The following GPR180 variants were observed in gnomAD, a reference collection of about 807,000 sequenced individuals.
The protein encoded by GPR180 is G protein-coupled receptor 180.
Under a neutral mutation model 52.6 loss-of-function variants are expected in GPR180, and 53 were observed. The ratio of observed to expected loss-of-function variants is 1.01; its 90% CI spans 0.81 to 1.27. GPR180 has a LOEUF of 1.27. GPR180 is among the 50% of genes most tolerant of loss of function. GPR180 has a pLI of 0.00. For synonymous variants in GPR180, 200 were observed against 193.1 expected (o/e 1.04, Z -0.30); for missense variants, 533 against 527.0 (o/e 1.01, Z -0.11).
At chr13:94,605,250 G>A (rs1594470430) in intron 1 of GPR180, 141 bp from the exon 2 acceptor site, 1 of 677,444 alleles carries the variant, frequency 1.5e-6, no homozygotes, top group Non-Finnish European at 2.6e-6. Flanking sequence ...TCATTATGAT[G>A]TGATTTACCT....
intron 1 of GPR180, 68 bp downstream of exon 1, chr13:94,602,140 G>A (rs1223815437): frequency 5.7e-6 from 7 of 1,238,386 alleles, no homozygotes; most frequent in Non-Finnish European, 6.1e-6. Context: ...TCCGCCGGCC[G>A]CTCCTCCCGG....
chr13:94,614,870 G>A (rs1889757656), intron 3 of GPR180, among the ~76,000 whole-genome samples: 1 of 152,140 alleles, frequency 6.6e-6, no homozygotes, highest in Non-Finnish European at 1.5e-5. Context: ...GCTTACCTTC[G>A]GGGATTAATC....
At chr13:94,626,992 T>G (rs1889937101) in intron 8 of GPR180, 21 bp from the exon 9 acceptor site, 4 of 1,555,032 alleles carry the variant, frequency 2.6e-6, no homozygotes, top group Non-Finnish European at 3.5e-6. Context: ...AGTAAAAGCA[T>G]TCCTTTCCTT....
chr13:94,616,494 C>A (rs992558729), intron 3 of GPR180, among the ~76,000 whole-genome samples: 5 of 152,178 alleles, frequency 3.3e-5, no homozygotes, highest in Non-Finnish European at 7.3e-5. Flanking sequence ...TTAGCTGGGG[C>A]TAAATTTATT....
intron 1 of GPR180, among the ~76,000 whole-genome samples, chr13:94,604,209 T>C (rs1889597153): frequency 6.6e-6 from 1 of 152,152 alleles, no homozygotes. Flanking sequence ...GGCAGGTGCC[T>C]GTAATCCCAG....
chr13:94,627,306 G>T lies in GPR180; in HGVS notation c.*135G>T. The T allele has an allele frequency of 4.4e-6, 3 of 675,180 alleles. No individual in the cohort carries two copies. The highest frequency in any genetic ancestry group is 7.4e-6 in the Non-Finnish European group (3 of 402,734). The allele number at this position is 675,180 out of a possible 1,614,324, so 41.8% of individuals were successfully genotyped here. ...AGCAGAGCATGTTATTTATATAACTGCATTTAAGCAGTACCAAGACTGAAA... is the reference window on the plus strand; with the variant it reads ...AGCAGAGCATGTTATTTATATAACTTCATTTAAGCAGTACCAAGACTGAAA... On this transcript the variant is annotated 3_prime_UTR_variant, in exon 9 of 9. Transcript: ENST00000376958.
chr13:94,611,588 T>C (rs147494579), intron 2 of GPR180, among the ~76,000 whole-genome samples: 5 of 152,112 alleles, frequency 3.3e-5, no homozygotes, highest in African/African-American at 9.6e-5. Flanking sequence ...TGGCGAGACT[T>C]GGCACTTTCC....
At position 94,632,759 on chromosome 13, in the gene GPR180, A is replaced by T. The variant is rs1890015661; in HGVS notation, c.*5588A>T. 1 of 152,236 alleles carries T rather than the reference A, an allele frequency of 6.6e-6. No individual in the cohort carries two copies. Among genetic ancestry groups the T allele is most frequent in the South Asian group, 2.1e-4 (1 of 4,824 alleles). 9.4% of individuals were successfully genotyped at this position (152,236 alleles called of 1,614,324 possible). The stretch of plus-strand genomic sequence containing the variant: ...TCAAATAGGGGCTAGCCACACCAGA[A>T]GACCAACCATTGGATTAGAGGGTTG... On this transcript the variant is annotated 3_prime_UTR_variant, in exon 9 of 9. Coordinates refer to ENST00000376958, the MANE Select transcript of GPR180 (RefSeq NM_180989.6).
At chr13:94,607,323 C>T (rs1283354560) in intron 2 of GPR180, among the ~76,000 whole-genome samples, 2 of 152,218 alleles carry the variant, frequency 1.3e-5, no homozygotes, top group Non-Finnish European at 2.9e-5. Flanking sequence ...GTTACATTCA[C>T]TTCTTTACCA....
At chr13:94,619,618 A>G in intron 5 of GPR180, 101 bp downstream of exon 5, 1 of 982,140 alleles carries the variant, frequency 1.0e-6, no homozygotes. Context: ...AAAATTGTTT[A>G]GAAATCAGCT....
At chr13:94,613,901 C>T (rs1183270712) in intron 3 of GPR180, among the ~76,000 whole-genome samples, 1 of 147,644 alleles carries the variant, frequency 6.8e-6, no homozygotes, top group Non-Finnish European at 1.5e-5. Context: ...TTTTTTGAGA[C>T]AGAGGCTTGC....
intron 2 of GPR180, among the ~76,000 whole-genome samples, chr13:94,610,266 T>C (rs531049443): frequency 3.7e-4 from 57 of 152,362 alleles, no homozygotes; most frequent in African/African-American, 1.3e-3. Flanking sequence ...CATACATTTC[T>C]AGTTACCTCA....
rs1429177551 is a variant in GPR180, at chr13:94,633,212, A to G, written c.*6041A>G. On this transcript the variant is annotated 3_prime_UTR_variant, in exon 9 of 9. Transcript: ENST00000376958. ...AGTAAGGATGGTCCTGGGAATGCCC[A>G]AAGTTGCTAGTTTCTGAAGTGAGGG... is the stretch of plus-strand genomic sequence containing the variant. 1 of 152,206 alleles carries G rather than the reference A, an allele frequency of 6.6e-6. No individual in the cohort carries two copies. The highest frequency in any genetic ancestry group is 1.9e-4 in the East Asian group (1 of 5,182). The allele number at this position is 152,206 out of a possible 1,614,324, so 9.4% of individuals were successfully genotyped here.
chr13:94,613,597 A>C (rs183528957), intron 3 of GPR180, among the ~76,000 whole-genome samples: 3 of 151,788 alleles, frequency 2.0e-5, no homozygotes, highest in African/African-American at 7.3e-5. Context: ...TAAATGTTTT[A>C]AAGTGGTTAA....
intron 2 of GPR180, 132 bp downstream of exon 2, chr13:94,605,681 C>A: frequency 3.0e-6 from 2 of 675,956 alleles, no homozygotes; most frequent in Non-Finnish European, 2.3e-6. Flanking sequence ...TTGTCTAGTA[C>A]ATTTTAAGCT....
In GPR180 at chr13:94,626,000, T is replaced by C; in HGVS notation, c.1121T>C (p.Leu374Pro). Residue 374 changes from leucine (L) to proline (P), a missense_variant, in exon 8 of 9, where the codon CTT becomes CCT. Leu to Pro is a moderately conservative substitution (Grantham distance 98). Transcript: ENST00000376958. ...CILWFLCHPV[L>P]ACISVIFSDY... The stretch of plus-strand genomic sequence containing the variant: ...TTGTGGTTTTTATGCCATCCAGTTC[T>C]TGCATGCATTTCTGTCATTTTTAGC... 1 of 1,612,126 alleles carries C rather than the reference T, an allele frequency of 6.2e-7. No individual in the cohort carries two copies. Among genetic ancestry groups the C allele is most frequent in the South Asian group, 1.1e-5 (1 of 90,934 alleles).
At chr13:94,604,257 C>T (rs1216391838) in intron 1 of GPR180, among the ~76,000 whole-genome samples, 4 of 151,916 alleles carry the variant, frequency 2.6e-5, no homozygotes, top group Admixed American at 6.6e-5. Flanking sequence ...TCGCTTGAAC[C>T]GGGGAGGCGG....
At chr13:94,625,890 G>C in intron 7 of GPR180, 76 bp from the exon 8 acceptor site, 4 of 1,002,212 alleles carry the variant, frequency 4.0e-6, no homozygotes, top group Non-Finnish European at 6.1e-6. Context: ...AAAAATGCTA[G>C]TAACATTTTT....
At chr13:94,624,078 C>G (rs993194907) in intron 7 of GPR180, among the ~76,000 whole-genome samples, 2 of 152,206 alleles carry the variant, frequency 1.3e-5, no homozygotes, top group Non-Finnish European at 2.9e-5. Flanking sequence ...ACCCCATCCA[C>G]ATGAGATCGT....
Sources: gnomAD v4.1 joint callset for allele counts (sites outside exome capture counted in the v4.1 genomes callset) on GRCh38, gnomAD v4.1.1 for gene constraint, MANE v1.5 for transcripts, NCBI Gene and HGNC (gene_info 2026-07-23, HGNC 2026-07-21) for gene names.